The following TEX11 variants were observed in gnomAD, a reference collection of about 807,000 sequenced individuals.
TEX11 encodes the protein testis expressed 11, also known as testis-expressed protein 11.
TEX11 carries 7 observed loss-of-function variants against 84.4 expected under a neutral mutation model. The observed-to-expected ratio is 0.08, with a 90% CI of 0.05 to 0.16. The LOEUF is 0.16. Ranked by LOEUF, TEX11 falls within the 10% of genes least tolerant of loss-of-function variation. TEX11 has a pLI of 1.00. For missense variants in TEX11, 551 were observed against 660.5 expected (o/e 0.83, Z 1.82); for synonymous variants, 264 against 222.8 (o/e 1.18, Z -1.64).
intron 9 of TEX11, among the ~76,000 whole-genome samples, chrX:70,795,935 T>C (rs6525423): frequency 2.1e-4 from 23 of 110,975 alleles, no homozygotes; most frequent in Admixed American, 1.7e-3. Flanking sequence ...AACTCTTCAC[T>C]GTCCAGACAC....
intron 17 of TEX11, among the ~76,000 whole-genome samples, 174 bp downstream of exon 17, chrX:70,651,276 A>G (rs1053862056): frequency 1.8e-5 from 2 of 111,933 alleles, no homozygotes; most frequent in Non-Finnish European, 3.8e-5. Flanking sequence ...TTTTACTTTT[A>G]TATAACCTTC....
chrX:70,839,211 C>T (rs942176423), intron 7 of TEX11, among the ~76,000 whole-genome samples: 3 of 92,630 alleles, frequency 3.2e-5, no homozygotes, highest in African/African-American at 1.2e-4. Context: ...GGTCCCTGAC[C>T]CCCAAGTAGC....
chrX:70,662,758 C>T (rs1027100510), intron 16 of TEX11, among the ~76,000 whole-genome samples: 3 of 111,041 alleles, frequency 2.7e-5, no homozygotes, highest in African/African-American at 9.8e-5. Context: ...AAGTACATAC[C>T]GTGTAATTCC....
intron 8 of TEX11, among the ~76,000 whole-genome samples, chrX:70,830,880 C>G (rs188616008): frequency 9.0e-6 from 1 of 110,763 alleles, no homozygotes; most frequent in East Asian, 2.8e-4. Flanking sequence ...TTAGTATACC[C>G]ATTACAGAAA....
chrX:70,735,493 C>A (rs1239493014), intron 11 of TEX11, among the ~76,000 whole-genome samples: 1 of 111,607 alleles, frequency 9.0e-6, no homozygotes, highest in South Asian at 3.7e-4. Flanking sequence ...TAGCAATGAA[C>A]AATCCAAAAG....
intron 11 of TEX11, among the ~76,000 whole-genome samples, chrX:70,737,461 C>T (rs1390505769): frequency 2.7e-5 from 3 of 110,420 alleles, no homozygotes; most frequent in Non-Finnish European, 5.7e-5. Context: ...GAAAATTATG[C>T]TCCTAGACAT....
chrX:70,808,916 A>G (rs181726735), intron 8 of TEX11, among the ~76,000 whole-genome samples: 281 of 111,859 alleles, frequency 2.5e-3, no homozygotes, highest in African/African-American at 7.0e-3. Flanking sequence ...CTCTTCAAAC[A>G]ATTTTCATTT....
In TEX11 at chrX:70,532,698, C is replaced by T. The variant is rs565888389; in HGVS notation, c.2521-2699G>A. Among the ~76,000 whole-genome samples the T allele has an allele frequency of 2.5e-4, 28 of 110,992 alleles. No individual in the cohort carries two copies. In the South Asian group the frequency reaches 0.011, roughly 42 times the overall value. On this transcript the variant is annotated intron_variant, in intron 28 of 29. Coordinates refer to ENST00000374333, the MANE Select transcript of TEX11 (RefSeq NM_031276.3). ...GTGGTGAGCCAAGATTGTGCCATTG[C>T]ACTCCAGCCTGGGCAACAAGAGTGA...
At position 70,816,446 on chromosome X, in the gene TEX11, C is replaced by T. The variant is rs184456759; in HGVS notation, c.607-9656G>A. On this transcript the variant is annotated intron_variant, in intron 8 of 29. Coordinates refer to ENST00000374333, the MANE Select transcript of TEX11 (RefSeq NM_031276.3). ...TCAGTCTAGTATAAGAAAGTATTATCTTGCCTGTAATCCCAGCATTTTGGG... is the reference window on the plus strand; with the variant it reads ...TCAGTCTAGTATAAGAAAGTATTATTTTGCCTGTAATCCCAGCATTTTGGG... Among the ~76,000 whole-genome samples, 147 of 112,001 alleles carry T rather than the reference C, an allele frequency of 1.3e-3. 1 individual carries two copies. Among genetic ancestry groups the T allele is most frequent in the Admixed American group, 0.013 (133 of 10,537 alleles).
intron 4 of TEX11, among the ~76,000 whole-genome samples, chrX:70,872,877 A>T (rs2091636519): frequency 8.9e-6 from 1 of 111,913 alleles, no homozygotes; most frequent in South Asian, 3.7e-4. Context: ...GGTCCTTCAG[A>T]ACCCTGAAGA....
intron 9 of TEX11, among the ~76,000 whole-genome samples, chrX:70,750,931 AAAATATATAT>A (rs1308099378): frequency 4.5e-5 from 1 of 21,993 alleles, no homozygotes; most frequent in African/African-American, 1.5e-4. Flanking sequence ...TAAAAAAAAA[AAAATATATAT>A]ATATATATAT....
At chrX:70,585,870 T>C (rs763494697) in intron 25 of TEX11, among the ~76,000 whole-genome samples, 1 of 111,928 alleles carries the variant, frequency 8.9e-6, no homozygotes, top group Non-Finnish European at 1.9e-5. Flanking sequence ...CTGACCAACA[T>C]GGTGAAACCC....
chrX:70,677,776 T>C (rs1025679896), intron 15 of TEX11, among the ~76,000 whole-genome samples: 2 of 108,020 alleles, frequency 1.9e-5, no homozygotes, highest in Non-Finnish European at 3.8e-5. Context: ...AGCTGCACAA[T>C]TGTAATGCTC....
chrX:70,742,283 G>A (rs1268201718), intron 10 of TEX11, among the ~76,000 whole-genome samples: 4 of 108,941 alleles, frequency 3.7e-5, no homozygotes, highest in Admixed American at 2.0e-4. Context: ...CATCCATATC[G>A]TTGCAATTAT....
chrX:70,609,110 A>G lies in TEX11; in HGVS notation c.1860T>C (p.Ala620=). The G allele has an allele frequency of 8.3e-7, 1 of 1,204,892 alleles. No homozygotes were observed. The highest frequency in any genetic ancestry group is 1.1e-6 in the Non-Finnish European group (1 of 892,281). ...TCTTACCTGTTTTTCGAAACCACTG[A>G]GCTTCATTAGCTCTTGACTCCAAAC... is the stretch of plus-strand genomic sequence containing the variant. ...ALSLESRANE[A]QWFRKTAWNL... is the part of the protein sequence containing the mutation. Residue 620 remains alanine (A), a synonymous_variant, in exon 22 of 30, where the codon GCT becomes GCC. Transcript: ENST00000374333.
chrX:70,873,226 T>G lies in TEX11; in HGVS notation c.241A>C (p.Arg81=). 1 of 1,147,707 alleles carries G rather than the reference T, an allele frequency of 8.7e-7. No individual in the cohort carries two copies. Among genetic ancestry groups the G allele is most frequent in the Non-Finnish European group, 1.2e-6 (1 of 837,410 alleles). 94.6% of individuals were successfully genotyped at this position (1,147,707 alleles called of 1,213,427 possible). ...GWLVNEEQKI[R]LHYVACKLLS... ...ATGTCACAATATGTATACATACATCTAATTTTCTGCTCTTCATTTACAAGC... is the reference window on the plus strand; with the variant it reads ...ATGTCACAATATGTATACATACATCGAATTTTCTGCTCTTCATTTACAAGC... The change falls in exon 4 of 30, where the codon AGA becomes CGA. Residue 81 remains arginine, a synonymous_variant. Transcript: ENST00000374333.
chrX:70,779,414 CAAA>C (rs1401892562), intron 9 of TEX11, among the ~76,000 whole-genome samples: 1 of 42,508 alleles, frequency 2.4e-5, no homozygotes. Flanking sequence ...GACCCCGTCT[CAAA>C]AAAAAAAAAA....
intron 15 of TEX11, among the ~76,000 whole-genome samples, chrX:70,675,531 C>T (rs2090062943): frequency 9.6e-6 from 1 of 103,799 alleles, no homozygotes; most frequent in Non-Finnish European, 2.0e-5. Context: ...TGGAAACCAC[C>T]TTTCTTTCTT....
intron 13 of TEX11, among the ~76,000 whole-genome samples, chrX:70,703,654 CAA>C (rs1433469788): frequency 9.0e-6 from 1 of 111,527 alleles, no homozygotes; most frequent in Non-Finnish European, 1.9e-5. Flanking sequence ...CCTTTCTTTC[CAA>C]TTTACTGCCA....
Sources: allele counts gnomAD v4.1 joint callset (sites outside exome capture counted in the v4.1 genomes callset), GRCh38; gene constraint gnomAD v4.1.1; transcripts MANE v1.5; gene names NCBI Gene and HGNC (gene_info 2026-07-23, HGNC 2026-07-21).